The following ARSG variants were observed in gnomAD, a reference collection of about 807,000 sequenced individuals.
ARSG encodes the protein arylsulfatase G, also known as ASG.
ARSG carries 37 observed loss-of-function variants against 50.5 expected under a neutral mutation model. The ratio of observed to expected loss-of-function variants is 0.73; its 90% CI spans 0.56 to 0.96. The LOEUF is 0.96. Ranked by LOEUF, ARSG falls within the 50% of genes least tolerant of loss-of-function variation. The pLI is 0.00. For synonymous variants in ARSG, 225 were observed against 254.6 expected (o/e 0.88, Z 1.11); for missense variants, 629 against 675.3 (o/e 0.93, Z 0.76).
chr17:68,298,459 G>A (rs1208170305), intron 1 of ARSG, among the ~76,000 whole-genome samples: 2 of 152,002 alleles, frequency 1.3e-5, no homozygotes, highest in African/African-American at 2.4e-5. Context: ...GCTGGGCATG[G>A]TGGTGTGCAT....
chr17:68,320,245 G>A (rs984647250), intron 2 of ARSG, among the ~76,000 whole-genome samples: 108 of 151,036 alleles, frequency 7.2e-4, no homozygotes, highest in Middle Eastern at 3.5e-3. Context: ...AGCCGAGATC[G>A]TGCCACTGCA....
intron 2 of ARSG, among the ~76,000 whole-genome samples, chr17:68,336,936 C>T (rs923125794): frequency 6.6e-6 from 1 of 152,098 alleles, no homozygotes; most frequent in Admixed American, 6.6e-5. Flanking sequence ...CCTGAGGTGA[C>T]AGGAAGATCA....
chr17:68,426,247 A>AGGGGGGGGG, downstream of ARSG: 4 of 655,812 alleles, frequency 6.1e-6, no homozygotes, highest in Admixed American at 7.8e-5. Flanking sequence ...GCGGGTGGGG[A>AGGGGGGGGG]GCGGGGGCTC....
chr17:68,308,479 C>T (rs920506366), intron 2 of ARSG, among the ~76,000 whole-genome samples: 11 of 152,004 alleles, frequency 7.2e-5, no homozygotes, highest in Non-Finnish European at 1.3e-4. Context: ...CTCGTGGTCT[C>T]GCTGGCTTCA....
upstream of ARSG, among the ~76,000 whole-genome samples, chr17:68,288,304 C>T (rs1161311824): frequency 3.9e-5 from 6 of 152,114 alleles, no homozygotes; most frequent in Admixed American, 3.9e-4. Context: ...CCGGCCTTCT[C>T]CTTTTCTTTT....
At chr17:68,366,883 T>C (rs2146674846) in intron 6 of ARSG, among the ~76,000 whole-genome samples, 1 of 152,320 alleles carries the variant, frequency 6.6e-6, no homozygotes, top group East Asian at 1.9e-4. Context: ...CCATGAAACA[T>C]AAACTGCCCA....
the ARSG span, among the ~76,000 whole-genome samples, chr17:68,431,185 A>G: frequency 1.3e-5 from 2 of 152,208 alleles, no homozygotes; most frequent in Admixed American, 6.5e-5. Context: ...CCACGTGAGC[A>G]GTTAATATGC....
chr17:68,402,224 TTTG>T (rs895267717), intron 11 of ARSG, among the ~76,000 whole-genome samples: 1 of 151,980 alleles, frequency 6.6e-6, no homozygotes, highest in African/African-American at 2.4e-5. Flanking sequence ...ACTAGTTTTT[TTTG>T]TTGTTTGTTG....
At chr17:68,279,758 A>T (rs1242589909) in intron 1 of ARSG, among the ~76,000 whole-genome samples, 1 of 152,196 alleles carries the variant, frequency 6.6e-6, no homozygotes, top group Non-Finnish European at 1.5e-5. Flanking sequence ...GTCTTTTTCA[A>T]AGCCTCTGTA....
In ARSG at chr17:68,399,963, G is replaced by A. The variant is rs1225486191; in HGVS notation, c.1213-1397G>A. Among the ~76,000 whole-genome samples the A allele has an allele frequency of 6.6e-6, 1 of 152,254 alleles. No individual in the cohort carries two copies. The highest frequency in any genetic ancestry group is 1.5e-5 in the Non-Finnish European group (1 of 68,046). ...TTACGACTTCTTTTCCTGTTTGGAA[G>A]GAACCTGCTATCATCATGCGCGCCC... On this transcript the variant is annotated intron_variant, in intron 10 of 11. Transcript: ENST00000621439. The surrounding 1 kb of genome is among the most constrained non-coding windows in gnomAD (Gnocchi z 4.6).
Position 68,307,439 on chromosome 17 carries a change from A to G in ARSG, c.-55A>G, listed in dbSNP as rs998742920. On this transcript the variant is annotated 5_prime_UTR_variant, in exon 2 of 12. Transcript: ENST00000621439. ...GAGCAGAAAGGAAGCTCTCAGAAAA[A>G]TCTCTAGTGGTGGCTGCCGTCGCTC... 9 of 1,412,280 alleles carry G rather than the reference A, an allele frequency of 6.4e-6. No individual in the cohort carries two copies. In the African/African-American group the frequency reaches 1.1e-4, roughly 18 times the overall value. 87.5% of individuals were successfully genotyped at this position (1,412,280 alleles called of 1,614,324 possible).
At chr17:68,362,414 G>A (rs1208163996) in intron 6 of ARSG, among the ~76,000 whole-genome samples, 2 of 152,004 alleles carry the variant, frequency 1.3e-5, no homozygotes, top group South Asian at 2.1e-4. Flanking sequence ...CATATCGAAC[G>A]TCTCCCCCAG....
chr17:68,325,722 A>G (rs1555772172), intron 2 of ARSG, among the ~76,000 whole-genome samples: 1 of 152,138 alleles, frequency 6.6e-6, no homozygotes, highest in Non-Finnish European at 1.5e-5. Context: ...CATTCTTTCA[A>G]GTTCCTCCAT....
the ARSG span, among the ~76,000 whole-genome samples, chr17:68,446,651 A>T: frequency 1.3e-5 from 2 of 152,196 alleles, no homozygotes; most frequent in Non-Finnish European, 2.9e-5. Context: ...CGTGGTTAGA[A>T]CTACGTGGTT....
At chr17:68,451,816 G>C in the ARSG span, among the ~76,000 whole-genome samples, 1 of 152,172 alleles carries the variant, frequency 6.6e-6, no homozygotes, top group African/African-American at 2.4e-5. Context: ...TCTGTACTCA[G>C]GAAGAAGTTA....
At position 68,308,192 on chromosome 17, in the gene ARSG, G is replaced by A. The variant is rs1357517922; in HGVS notation, c.218+481G>A. ...GTGGTGGCACGCTCCTGTGGTCTCA[G>A]CTACTCGGGAGGCTGAAGTGGGAGT... On this transcript the variant is annotated intron_variant, in intron 2 of 11. Transcript: ENST00000621439. Among the ~76,000 whole-genome samples, 6 of 152,178 alleles carry A rather than the reference G, an allele frequency of 3.9e-5. No homozygotes were observed. The South Asian group carries it at 1.0e-3, about 26-fold the overall frequency.
intron 6 of ARSG, among the ~76,000 whole-genome samples, chr17:68,361,104 T>A (rs1291686580): frequency 6.6e-6 from 1 of 151,960 alleles, no homozygotes; most frequent in East Asian, 1.9e-4. Context: ...GGATTACGGG[T>A]GTGAGCTACC....
intron 1 of ARSG, chr17:68,270,951 G>A (rs1568403866): frequency 6.2e-7 from 1 of 1,614,088 alleles, no homozygotes; most frequent in Non-Finnish European, 8.5e-7. Flanking sequence ...GCAGTGGAAT[G>A]TGAGTCCCTC....
intron 6 of ARSG, among the ~76,000 whole-genome samples, chr17:68,365,132 A>G (rs1300197852): frequency 6.6e-6 from 1 of 152,182 alleles, no homozygotes; most frequent in Non-Finnish European, 1.5e-5. Flanking sequence ...CAACATGGCA[A>G]AACCTCATCT....
Sources: allele counts gnomAD v4.1 joint callset (sites outside exome capture counted in the v4.1 genomes callset), GRCh38; gene constraint gnomAD v4.1.1; non-coding constraint Gnocchi (gnomAD v3.1); transcripts MANE v1.5; gene names NCBI Gene and HGNC (gene_info 2026-07-23, HGNC 2026-07-21).